ANKS1B: variants seen among roughly 807,000 people sequenced by gnomAD.
ANKS1B encodes the protein ankyrin repeat and sterile alpha motif domain-containing protein 1B.
A neutral mutation model predicts 148.3 loss-of-function variants in ANKS1B; 36 were observed. That is an observed-to-expected ratio of 0.24 (90% CI 0.19 to 0.32). ANKS1B has a LOEUF of 0.32. Among genes scored for constraint, ANKS1B ranks in the 10% least tolerant of loss-of-function variants. The pLI is 1.00. For missense variants in ANKS1B, 1,157 were observed against 1,542.6 expected (o/e 0.75, Z 4.19); for synonymous variants, 542 against 560.8 (o/e 0.97, Z 0.47).
intron 16 of ANKS1B, among the ~76,000 whole-genome samples, chr12:99,061,892 C>G (rs2042576936): frequency 6.6e-6 from 1 of 152,184 alleles, no homozygotes. Context: ...TCAATCACAG[C>G]ATCATCCCTT....
intron 8 of ANKS1B, among the ~76,000 whole-genome samples, chr12:99,765,743 T>C (rs1295341353): frequency 5.3e-5 from 8 of 152,178 alleles, no homozygotes; most frequent in Non-Finnish European, 1.2e-4. Context: ...TTTGTGACTA[T>C]TTAGAACGTC....
At position 99,280,864 on chromosome 12, in the gene ANKS1B, C is replaced by T. The variant is rs185614169; in HGVS notation, c.1757-34000G>A. On this transcript the variant is annotated intron_variant, in intron 12 of 26. Coordinates refer to ENST00000683438, the MANE Select transcript of ANKS1B (RefSeq NM_001352186.2). ...AATCTCTCTCTCTCTCTCTCTCTCTCTGTCTGTCTCTCTCTCTCTCTCACA... is the reference window on the plus strand; with the variant it reads ...AATCTCTCTCTCTCTCTCTCTCTCTTTGTCTGTCTCTCTCTCTCTCTCACA... Among the ~76,000 whole-genome samples the T allele has an allele frequency of 2.0e-3, 293 of 146,218 alleles. 1 individual carries two copies. Among genetic ancestry groups the T allele is most frequent in the African/African-American group, 6.9e-3 (258 of 37,218 alleles).
At chr12:99,810,077 T>C (rs563687968) in intron 3 of ANKS1B, among the ~76,000 whole-genome samples, 1 of 152,132 alleles carries the variant, frequency 6.6e-6, no homozygotes, top group African/African-American at 2.4e-5. Context: ...AGGATGACAA[T>C]ACCAATGCGC....
intron 1 of ANKS1B, among the ~76,000 whole-genome samples, chr12:99,837,481 A>G (rs2085042118): frequency 6.6e-6 from 1 of 152,220 alleles, no homozygotes; most frequent in African/African-American, 2.4e-5. Context: ...GAAAGAGAGC[A>G]TGAACAAAAC....
chr12:99,292,268 A>C (rs1406645956), intron 12 of ANKS1B, among the ~76,000 whole-genome samples: 1 of 151,964 alleles, frequency 6.6e-6, no homozygotes, highest in Non-Finnish European at 1.5e-5. Context: ...CAAGATGGGC[A>C]GATCACGAGG....
At chr12:99,067,872 G>A (rs550560419) in intron 16 of ANKS1B, among the ~76,000 whole-genome samples, 15 of 119,254 alleles carry the variant, frequency 1.3e-4, no homozygotes, top group African/African-American at 3.9e-4. Context: ...ATGTGCGTGT[G>A]TGTGCATGTG....
chr12:99,771,307 G>A (rs1379911743), intron 8 of ANKS1B, among the ~76,000 whole-genome samples: 1 of 151,698 alleles, frequency 6.6e-6, no homozygotes, highest in African/African-American at 2.4e-5. Context: ...AAATAATCAG[G>A]GATATTTGCT....
At chr12:99,551,886 C>T (rs2153168791) in intron 9 of ANKS1B, among the ~76,000 whole-genome samples, 1 of 152,146 alleles carries the variant, frequency 6.6e-6, no homozygotes, top group Middle Eastern at 3.4e-3. Flanking sequence ...ATGTAGGTTG[C>T]AAGATTGTTT....
chr12:99,228,870 A>C (rs1246849091), intron 14 of ANKS1B, among the ~76,000 whole-genome samples: 1 of 152,020 alleles, frequency 6.6e-6, no homozygotes, highest in Non-Finnish European at 1.5e-5. Flanking sequence ...CCTTATTTTC[A>C]GCATTGATAC....
chr12:99,170,599 C>T (rs2153836203), intron 14 of ANKS1B, among the ~76,000 whole-genome samples: 1 of 152,264 alleles, frequency 6.6e-6, no homozygotes. Flanking sequence ...AGTCCCTCGA[C>T]CAAGAGACTG....
intron 19 of ANKS1B, among the ~76,000 whole-genome samples, chr12:98,811,288 C>T (rs896845600): frequency 4.6e-5 from 7 of 152,154 alleles, no homozygotes; most frequent in African/African-American, 1.7e-4. Context: ...ACATGCATGC[C>T]CCCTGAAGGG....
chr12:99,698,033 G>C (rs1057418581), intron 8 of ANKS1B, among the ~76,000 whole-genome samples: 2 of 151,904 alleles, frequency 1.3e-5, no homozygotes, highest in African/African-American at 2.4e-5. Context: ...ATATGGGGTG[G>C]GTAGAAAGAG....
chr12:98,899,249 T>C (rs1360575790), intron 17 of ANKS1B, among the ~76,000 whole-genome samples: 1 of 152,234 alleles, frequency 6.6e-6, no homozygotes, highest in Non-Finnish European at 1.5e-5. Context: ...CATGCTGTTC[T>C]AATTTGTGAT....
intron 11 of ANKS1B, among the ~76,000 whole-genome samples, chr12:99,431,793 C>T (rs1383929631): frequency 6.6e-6 from 1 of 152,186 alleles, no homozygotes; most frequent in African/African-American, 2.4e-5. Context: ...TCCTATTCTT[C>T]TCCCTGGACT....
chr12:99,477,728 C>T (rs1291089423), intron 10 of ANKS1B, among the ~76,000 whole-genome samples: 1 of 152,092 alleles, frequency 6.6e-6, no homozygotes, highest in African/African-American at 2.4e-5. Context: ...CTAAGGTATA[C>T]AAACATTTAT....
chr12:99,339,371 C>A (rs150053301), intron 12 of ANKS1B, among the ~76,000 whole-genome samples: 23 of 152,310 alleles, frequency 1.5e-4, no homozygotes, highest in Non-Finnish European at 2.6e-4. Flanking sequence ...CACAAATTCT[C>A]TCTCCATGCC....
chr12:99,241,524 G>A (rs1046868489), intron 14 of ANKS1B, among the ~76,000 whole-genome samples: 3 of 152,226 alleles, frequency 2.0e-5, no homozygotes, highest in African/African-American at 7.2e-5. Context: ...TAGAAAAAGA[G>A]GGAATCCTCC....
chr12:99,089,667 A>G (rs1370885482), intron 15 of ANKS1B, among the ~76,000 whole-genome samples: 2 of 152,182 alleles, frequency 1.3e-5, no homozygotes, highest in African/African-American at 4.8e-5. Flanking sequence ...TCTTAGTCAA[A>G]GTTCATGAAC....
chr12:99,504,861 AGT>A (rs2153006999), intron 9 of ANKS1B, among the ~76,000 whole-genome samples: 1 of 152,268 alleles, frequency 6.6e-6, no homozygotes, highest in East Asian at 1.9e-4. Flanking sequence ...TTACTGAATT[AGT>A]AAAGGTATTG....
Sources: allele counts gnomAD v4.1 joint callset (sites outside exome capture counted in the v4.1 genomes callset), GRCh38; gene constraint gnomAD v4.1.1; transcripts MANE v1.5; gene names NCBI Gene and HGNC (gene_info 2026-07-23, HGNC 2026-07-21).